Variants in PRKCH observed in about 807,000 individuals in gnomAD.
PRKCH encodes protein kinase C eta type.
A neutral mutation model predicts 82.5 loss-of-function variants in PRKCH; 28 were observed. That is an observed-to-expected ratio of 0.34 (90% CI 0.25 to 0.47). PRKCH has a LOEUF of 0.47. PRKCH is among the 20% of genes least tolerant of loss of function. The pLI is 1.00. For synonymous variants in PRKCH, 322 were observed against 327.4 expected (o/e 0.98, Z 0.18); for missense variants, 705 against 881.8 (o/e 0.80, Z 2.54).
chr14:61,279,006 C>CACACACAT (rs1316826386), intron 1 of PRKCH: 1 of 149,272 alleles, frequency 6.7e-6, no homozygotes, highest in African/African-American at 2.5e-5. Flanking sequence ...CACACACACA[C>CACACACAT]ACACACAATG....
chr14:61,468,130 C>T (rs1885340725), intron 9 of PRKCH, among the ~76,000 whole-genome samples: 5 of 152,252 alleles, frequency 3.3e-5, no homozygotes, highest in Admixed American at 2.0e-4. Context: ...GGTTTTTGGC[C>T]TTTTGGGAAA....
intron 2 of PRKCH, among the ~76,000 whole-genome samples, chr14:61,420,231 T>G (rs1173532462): frequency 6.6e-6 from 1 of 152,162 alleles, no homozygotes; most frequent in Non-Finnish European, 1.5e-5. Flanking sequence ...GTGTCTGCTC[T>G]TCTCCTTTCA....
chr14:61,395,181 G>C (rs943413352), intron 2 of PRKCH, among the ~76,000 whole-genome samples: 1 of 152,066 alleles, frequency 6.6e-6, no homozygotes, highest in Non-Finnish European at 1.5e-5. Context: ...CTCCTAGACT[G>C]GGGCTCAGCT....
chr14:61,512,248 CCTT>C (rs1309584607), intron 10 of PRKCH, among the ~76,000 whole-genome samples: 1 of 140,764 alleles, frequency 7.1e-6, no homozygotes, highest in African/African-American at 2.9e-5. Flanking sequence ...ATCACATGAC[CCTT>C]TTTTTTTTTT....
intron 3 of PRKCH, among the ~76,000 whole-genome samples, chr14:61,443,639 T>A (rs1425299351): frequency 1.3e-5 from 2 of 152,212 alleles, no homozygotes; most frequent in African/African-American, 4.8e-5. Flanking sequence ...ATGAATCGCA[T>A]AATGACTTAT....
chr14:61,268,387 C>T (rs1400032305), intron 1 of PRKCH, among the ~76,000 whole-genome samples: 3 of 152,050 alleles, frequency 2.0e-5, no homozygotes, highest in African/African-American at 4.8e-5. Context: ...TATTTCTGGC[C>T]GGGTGCGATG....
intron 1 of PRKCH, among the ~76,000 whole-genome samples, chr14:61,240,969 G>T (rs1411065713): frequency 1.0e-5 from 1 of 100,410 alleles, no homozygotes; most frequent in African/African-American, 3.7e-5. Flanking sequence ...ATTCAATTCT[G>T]ACACTATGTA....
At chr14:61,414,140 G>A (rs1015694361) in intron 2 of PRKCH, among the ~76,000 whole-genome samples, 1 of 152,024 alleles carries the variant, frequency 6.6e-6, no homozygotes, top group Non-Finnish European at 1.5e-5. Flanking sequence ...CTGGTCATCT[G>A]TTTCAGTCTG....
At chr14:61,330,732 A>G (rs766001349) in intron 1 of PRKCH, among the ~76,000 whole-genome samples, 1 of 151,984 alleles carries the variant, frequency 6.6e-6, no homozygotes, top group Non-Finnish European at 1.5e-5. Context: ...TATGAAACCA[A>G]CTCTCTTGAC....
chr14:61,340,786 C>T (rs1001145521), intron 1 of PRKCH, among the ~76,000 whole-genome samples: 6 of 152,162 alleles, frequency 3.9e-5, no homozygotes, highest in African/African-American at 1.4e-4. Flanking sequence ...CCATCTTTCC[C>T]CTTGACCTGC....
chr14:61,450,568 A>C (rs1333951364), intron 5 of PRKCH, among the ~76,000 whole-genome samples: 1 of 152,218 alleles, frequency 6.6e-6, no homozygotes, highest in Non-Finnish European at 1.5e-5. Flanking sequence ...TGGCCTGAAT[A>C]TGAAAGATGA....
intron 1 of PRKCH, among the ~76,000 whole-genome samples, chr14:61,385,197 T>A (rs974407211): frequency 6.6e-6 from 1 of 150,740 alleles, no homozygotes; most frequent in South Asian, 2.1e-4. Flanking sequence ...TGCCCTAGAC[T>A]CTGACCTCAG....
At chr14:61,371,389 A>C (rs1203251590) in intron 1 of PRKCH, among the ~76,000 whole-genome samples, 2 of 152,042 alleles carry the variant, frequency 1.3e-5, no homozygotes, top group Non-Finnish European at 2.9e-5. Context: ...TTAGGATCCC[A>C]TTCAAGATAC....
intron 2 of PRKCH, among the ~76,000 whole-genome samples, chr14:61,427,861 C>T (rs1883189449): frequency 1.3e-5 from 2 of 151,744 alleles, no homozygotes; most frequent in East Asian, 2.0e-4. Flanking sequence ...GCTGCAATTA[C>T]AGGCATGAGC....
At chr14:61,504,450 A>C (rs998293580) in intron 10 of PRKCH, among the ~76,000 whole-genome samples, 1 of 152,088 alleles carries the variant, frequency 6.6e-6, no homozygotes, top group African/African-American at 2.4e-5. Flanking sequence ...TCGGCCTCCC[A>C]AAGTGCTGGG....
At chr14:61,486,522 G>A (rs911068898) in intron 10 of PRKCH, among the ~76,000 whole-genome samples, 1 of 152,150 alleles carries the variant, frequency 6.6e-6, no homozygotes, top group Non-Finnish European at 1.5e-5. Context: ...TGTAACTTTA[G>A]TCAGAGAGAA....
chr14:61,438,475 C>T (rs188576806), intron 2 of PRKCH, among the ~76,000 whole-genome samples: 6 of 152,306 alleles, frequency 3.9e-5, no homozygotes, highest in East Asian at 3.9e-4. Context: ...CTGTGATCCA[C>T]GCTTTTGCCC....
At chr14:61,549,131 C>G (rs1195302945) in intron 13 of PRKCH, among the ~76,000 whole-genome samples, 2 of 152,180 alleles carry the variant, frequency 1.3e-5, no homozygotes, top group Non-Finnish European at 1.5e-5. Flanking sequence ...GAGGCTGGAG[C>G]CTGTAGTCCT....
At chr14:61,431,586 A>ATT (rs59562986) in intron 2 of PRKCH, among the ~76,000 whole-genome samples, 52 of 151,438 alleles carry the variant, frequency 3.4e-4, no homozygotes, top group African/African-American at 1.1e-3. Context: ...TGCCATTTGG[A>ATT]TTTTTTTTTC....
Sources: gnomAD v4.1 joint callset for allele counts (sites outside exome capture counted in the v4.1 genomes callset) on GRCh38, gnomAD v4.1.1 for gene constraint, MANE v1.5 for transcripts, NCBI Gene and HGNC (gene_info 2026-07-23, HGNC 2026-07-21) for gene names.